The following DPY19L3 variants were observed in gnomAD, a reference collection of about 807,000 sequenced individuals.
The protein encoded by DPY19L3 is dpy-19 like C-mannosyltransferase 3.
A neutral mutation model predicts 92.3 loss-of-function variants in DPY19L3; 51 were observed. That is an observed-to-expected ratio of 0.55 (90% CI 0.44 to 0.70). The LOEUF (loss-of-function observed/expected upper bound fraction) is 0.70. DPY19L3 is among the 30% of genes least tolerant of loss of function. The pLI is 0.00. For synonymous variants in DPY19L3, 309 were observed against 315.2 expected (o/e 0.98, Z 0.21); for missense variants, 706 against 855.9 (o/e 0.82, Z 2.18).
chr19:32,445,880 A>T (rs1013853577), intron 8 of DPY19L3, among the ~76,000 whole-genome samples: 2 of 152,126 alleles, frequency 1.3e-5, no homozygotes, highest in Admixed American at 6.6e-5. Flanking sequence ...GGGTGCCTGT[A>T]ATCCCAGCTA....
rs186391897 is a variant in DPY19L3 at position 32,472,356 on chromosome 19, C to T, written c.1697+3543C>T. Among the ~76,000 whole-genome samples the T allele has an allele frequency of 1.4e-4, 22 of 152,234 alleles. No individual in the cohort carries two copies. In the East Asian group the frequency reaches 4.3e-3, roughly 29 times the overall value. Reference sequence around the variant, plus strand: ...TAGCCCCAGCCGCCTTCCCTAAGAGCTGGGAGGCATGTCCAGCCTTCCACA... The same window carrying T: ...TAGCCCCAGCCGCCTTCCCTAAGAGTTGGGAGGCATGTCCAGCCTTCCACA... On this transcript the variant is annotated intron_variant, in intron 16 of 18. Coordinates refer to ENST00000392250, the MANE Select transcript of DPY19L3 (RefSeq NM_001172774.2).
intron 6 of DPY19L3, 198 bp from the exon 7 acceptor site, chr19:32,438,914 A>G (rs1969233479): frequency 4.9e-6 from 3 of 610,952 alleles, no homozygotes; most frequent in African/African-American, 3.7e-5. Flanking sequence ...GAGCACTTAA[A>G]TGTTCTCTAT....
intron 8 of DPY19L3, among the ~76,000 whole-genome samples, chr19:32,451,590 A>G (rs1969701029): frequency 1.3e-5 from 2 of 152,216 alleles, no homozygotes; most frequent in Non-Finnish European, 2.9e-5. Flanking sequence ...TTGCTGCTAA[A>G]TAAAACGTAT....
chr19:32,436,344 A>G (rs1969138163), intron 4 of DPY19L3, 102 bp from the exon 5 acceptor site: 3 of 861,566 alleles, frequency 3.5e-6, no homozygotes, highest in Non-Finnish European at 3.2e-6. Flanking sequence ...CCCAATGCCT[A>G]CCACAGTCTC....
At chr19:32,464,427 A>G (rs567612616) in intron 14 of DPY19L3, among the ~76,000 whole-genome samples, 1 of 152,372 alleles carries the variant, frequency 6.6e-6, no homozygotes, top group African/African-American at 2.4e-5. Flanking sequence ...CTTACAAATG[A>G]TTAGAATCCT....
intron 18 of DPY19L3, 62 bp from the exon 19 acceptor site, chr19:32,482,017 C>T (rs1970686716): frequency 6.4e-7 from 1 of 1,574,326 alleles, no homozygotes; most frequent in Non-Finnish European, 8.6e-7. Flanking sequence ...ATTCCTGCTC[C>T]TACTGTCTTT....
chr19:32,470,994 A>C (rs151214085), intron 16 of DPY19L3, among the ~76,000 whole-genome samples: 2 of 152,104 alleles, frequency 1.3e-5, no homozygotes, highest in African/African-American at 4.8e-5. Flanking sequence ...GTAGACATCA[A>C]ATATGTTTGT....
intron 3 of DPY19L3, among the ~76,000 whole-genome samples, chr19:32,424,480 A>AT (rs1968690225): frequency 6.6e-6 from 1 of 151,992 alleles, no homozygotes; most frequent in African/African-American, 2.4e-5. Context: ...CAAAAAAAAA[A>AT]ATTAGCCAGG....
chr19:32,471,987 G>C (rs1423465745), intron 16 of DPY19L3, among the ~76,000 whole-genome samples: 2 of 152,148 alleles, frequency 1.3e-5, no homozygotes, highest in African/African-American at 4.8e-5. Context: ...GGCACCGTGT[G>C]AAGTGTGTGG....
At chr19:32,481,117 A>G in intron 18 of DPY19L3, 1 of 226,714 alleles carries the variant, frequency 4.4e-6, no homozygotes, top group Non-Finnish European at 8.6e-6. Context: ...TTCTGAGGAA[A>G]GTGTTCTTGG....
intron 8 of DPY19L3, among the ~76,000 whole-genome samples, chr19:32,443,287 T>C (rs1184819343): frequency 6.6e-6 from 1 of 152,204 alleles, no homozygotes. Flanking sequence ...GGACTTCCAT[T>C]TCCGTCTGAA....
In DPY19L3 at chr19:32,485,677, T is replaced by G. The variant is rs1243648286; in HGVS notation, c.*3437T>G. On this transcript the variant is annotated 3_prime_UTR_variant, in exon 19 of 19. Transcript: ENST00000392250. ...CTCAGATCCTATATCTTGGTTAATA[T>G]GCTCCCAGATACTTTAAACATGGCA... 6.6e-6 allele frequency: 1 copy of G among 152,224 alleles called. No individual in the cohort carries two copies. The allele number at this position is 152,224 out of a possible 1,614,324, so 9.4% of individuals were successfully genotyped here.
intron 11 of DPY19L3, 42 bp downstream of exon 11, chr19:32,458,215 A>G (rs750063475): frequency 1.1e-5 from 18 of 1,597,410 alleles, no homozygotes; most frequent in Admixed American, 6.9e-5. Context: ...TTTTCTATTG[A>G]ATCAGCAGGG....
intron 17 of DPY19L3, 57 bp downstream of exon 17, chr19:32,477,711 C>T (rs748946530): frequency 2.9e-5 from 47 of 1,604,582 alleles, no homozygotes; most frequent in Non-Finnish European, 3.5e-5. Flanking sequence ...GGCTGCGTGT[C>T]CCTATGTGTG....
In DPY19L3 at chr19:32,453,274, C is replaced by A; in HGVS notation, c.985C>A (p.Gln329Lys). The part of the protein sequence containing the change: ...NLSVFIARKL[Q>K]KNLKTGSFLN... Reference sequence around the variant, plus strand: ...TTCAGTATTCATTGCAAGAAAACTTCAGGTAGGACTTTTTTTTTGTCCTTT... The same window carrying A: ...TTCAGTATTCATTGCAAGAAAACTTAAGGTAGGACTTTTTTTTTGTCCTTT... The change falls in exon 9 of 19, where the codon CAG (glutamine) becomes AAG (lysine). Residue 329 changes from glutamine (Q) to lysine (K), a missense_variant and splice_region_variant. Transcript: ENST00000392250. The A allele has an allele frequency of 6.3e-7, 1 of 1,597,490 alleles. No individual in the cohort carries two copies. The highest frequency in any genetic ancestry group is 2.2e-5 in the East Asian group (1 of 44,756).
intron 1 of DPY19L3, 158 bp downstream of exon 1, chr19:32,406,067 G>A (rs1480953057): frequency 1.3e-5 from 2 of 151,612 alleles, no homozygotes. Context: ...GGCGTCGGGA[G>A]GGGCGGAGCG....
At chr19:32,458,043 T>C (rs934186787) in intron 10 of DPY19L3, 57 bp from the exon 11 acceptor site, 22 of 1,336,812 alleles carry the variant, frequency 1.6e-5, no homozygotes, top group Non-Finnish European at 2.3e-5. Flanking sequence ...TGGGAAGTTA[T>C]CAGGAAACCG....
chr19:32,477,759 G>C (rs1435689881), intron 17 of DPY19L3, 105 bp downstream of exon 17: 1 of 1,434,006 alleles, frequency 7.0e-7, no homozygotes, highest in African/African-American at 1.4e-5. Flanking sequence ...TCCAGCATTA[G>C]GTTAGGAGGA....
rs898542197 is a variant in DPY19L3, at chr19:32,408,410, A to G, written c.103+54A>G. 8.1e-5 allele frequency: 106 copies of G among 1,313,032 alleles called. 1 individual carries two copies. The highest frequency in any genetic ancestry group is 1.1e-4 in the Non-Finnish European group (99 of 919,496). The allele number at this position is 1,313,032 out of a possible 1,614,324, so 81.3% of individuals were successfully genotyped here. A position where few individuals can be genotyped will look rare whatever the true frequency, so the allele number is the denominator to read the frequency against. The stretch of plus-strand genomic sequence containing the variant: ...TGGGTTGCTTTTATTTCTGCATATT[A>G]AAATGTCACTCTCCAATAGGATAAA... On this transcript the variant is annotated intron_variant, in intron 2 of 18. Coordinates refer to ENST00000392250, the MANE Select transcript of DPY19L3 (RefSeq NM_001172774.2).
Sources: allele counts gnomAD v4.1 joint callset (sites outside exome capture counted in the v4.1 genomes callset), GRCh38; gene constraint gnomAD v4.1.1; transcripts MANE v1.5; gene names NCBI Gene and HGNC (gene_info 2026-07-23, HGNC 2026-07-21).